The following SENP8 variants were observed in gnomAD, a reference collection of about 807,000 sequenced individuals.
The protein encoded by SENP8 is sentrin-specific protease 8.
In SENP8, 10 loss-of-function variants were observed where a neutral mutation model predicts 14.4. That is an observed-to-expected ratio of 0.69 (90% CI 0.43 to 1.18). The LOEUF (loss-of-function observed/expected upper bound fraction) is 1.18. Ranked by LOEUF, SENP8 falls within the 50% of genes most tolerant of loss-of-function variation. The pLI is 0.00. For missense variants in SENP8, 202 were observed against 249.4 expected (o/e 0.81, Z 1.28); for synonymous variants, 94 against 95.5 (o/e 0.98, Z 0.09).
chr15:72,117,213 G>A (rs1409917617), upstream of SENP8: 3 of 152,288 alleles, frequency 2.0e-5, no homozygotes, highest in Non-Finnish European at 4.4e-5. Flanking sequence ...GATGGCTAGG[G>A]TTAGTGCTAG....
upstream of SENP8, chr15:72,118,376 G>C (rs967376501): frequency 6.1e-6 from 1 of 164,282 alleles, no homozygotes; most frequent in South Asian, 2.0e-4. Flanking sequence ...GGTTGGGGAC[G>C]AAACCTCTGA....
upstream of SENP8, among the ~76,000 whole-genome samples, chr15:72,116,365 C>T (rs938342445): frequency 6.6e-6 from 1 of 152,118 alleles, no homozygotes; most frequent in Non-Finnish European, 1.5e-5. Context: ...ACGTACTGAT[C>T]ATTTGATGCA....
upstream of SENP8, chr15:72,117,886 G>C (rs2081059677): frequency 2.5e-6 from 1 of 398,128 alleles, no homozygotes; most frequent in South Asian, 1.3e-4. Context: ...GACTCCGCCC[G>C]GCCTGAGCAG....
chr15:72,137,861 A>G (rs1042823692), intron 1 of SENP8, among the ~76,000 whole-genome samples: 1 of 151,824 alleles, frequency 6.6e-6, no homozygotes, highest in African/African-American at 2.4e-5. Flanking sequence ...AGTCCCAGCT[A>G]CTTGGGAGGC....
intron 1 of SENP8, among the ~76,000 whole-genome samples, chr15:72,128,263 A>T (rs2081239603): frequency 6.6e-6 from 1 of 152,250 alleles, no homozygotes; most frequent in African/African-American, 2.4e-5. Context: ...GGGACACATA[A>T]GACACCAATA....
At chr15:72,122,798 A>G (rs1160666918) in intron 1 of SENP8, among the ~76,000 whole-genome samples, 1 of 152,184 alleles carries the variant, frequency 6.6e-6, no homozygotes, top group African/African-American at 2.4e-5. Flanking sequence ...AATAATTTTT[A>G]TTACTTACAG....
intron 1 of SENP8, chr15:72,139,185 C>T (rs930114001): frequency 1.3e-5 from 2 of 158,712 alleles, no homozygotes; most frequent in Non-Finnish European, 2.8e-5. Context: ...ATAACATAGC[C>T]TTACCAATAA....
intron 1 of SENP8, among the ~76,000 whole-genome samples, chr15:72,133,069 G>A (rs986874486): frequency 6.6e-6 from 1 of 152,184 alleles, no homozygotes; most frequent in Non-Finnish European, 1.5e-5. Context: ...TACGCGGGAG[G>A]CTGAGACGGG....
intron 1 of SENP8, among the ~76,000 whole-genome samples, chr15:72,130,640 C>T (rs913215334): frequency 2.0e-4 from 30 of 150,840 alleles, no homozygotes; most frequent in African/African-American, 7.1e-4. Flanking sequence ...CTCGGCTCAC[C>T]GCAACCTCCA....
chr15:72,134,017 A>G (rs2081302874), intron 1 of SENP8, among the ~76,000 whole-genome samples: 4 of 151,890 alleles, frequency 2.6e-5, no homozygotes, highest in Admixed American at 6.6e-5. Context: ...GGCGCTATCT[A>G]GACTCACTGC....
chr15:72,127,338 C>T (rs2081230825), intron 1 of SENP8, among the ~76,000 whole-genome samples: 1 of 152,136 alleles, frequency 6.6e-6, no homozygotes, highest in African/African-American at 2.4e-5. Context: ...TAACTGGTGG[C>T]CTCTTTGTTT....
intron 1 of SENP8, among the ~76,000 whole-genome samples, chr15:72,131,145 A>G (rs1200279984): frequency 6.6e-6 from 1 of 152,198 alleles, no homozygotes; most frequent in African/African-American, 2.4e-5. Flanking sequence ...TCAAGGATGC[A>G]GTGAGCTATA....
chr15:72,117,745 C>G (rs1429673273), upstream of SENP8: 1 of 397,818 alleles, frequency 2.5e-6, no homozygotes, highest in African/African-American at 2.1e-5. Context: ...TTCCACCCTC[C>G]GCCCCAGGGT....
chr15:72,139,407 G>A (rs1434382691), intron 1 of SENP8, 170 bp from the exon 2 acceptor site: 2 of 546,976 alleles, frequency 3.7e-6, no homozygotes, highest in African/African-American at 1.9e-5. Context: ...GCTGTCTCAG[G>A]GGTGGCAGAG....
At chr15:72,135,730 A>T (rs2140520250) in intron 1 of SENP8, among the ~76,000 whole-genome samples, 1 of 152,374 alleles carries the variant, frequency 6.6e-6, no homozygotes, top group South Asian at 2.1e-4. Context: ...TTGGTATTTT[A>T]AAAATCAAAC....
chr15:72,122,035 C>T (rs551272399), intron 1 of SENP8, among the ~76,000 whole-genome samples: 2 of 152,192 alleles, frequency 1.3e-5, no homozygotes, highest in East Asian at 3.9e-4. Flanking sequence ...AAGTCAGAAC[C>T]TGTCTATACC....
intron 1 of SENP8, among the ~76,000 whole-genome samples, chr15:72,137,203 TC>T (rs1313473139): frequency 6.6e-6 from 1 of 151,176 alleles, no homozygotes; most frequent in African/African-American, 2.4e-5. Context: ...TCTCTACAAC[TC>T]TCTAGGGTAT....
intron 1 of SENP8, among the ~76,000 whole-genome samples, chr15:72,138,222 TTC>T (rs1482913914): frequency 2.0e-5 from 3 of 152,198 alleles, no homozygotes; most frequent in African/African-American, 7.2e-5. Context: ...AAGTTTCCAG[TTC>T]TCATTCTAAC....
At chr15:72,126,112 T>C (rs2081216521) in intron 1 of SENP8, among the ~76,000 whole-genome samples, 1 of 151,910 alleles carries the variant, frequency 6.6e-6, no homozygotes, top group Non-Finnish European at 1.5e-5. Flanking sequence ...TGTGAGCTAT[T>C]TTTTTTAACC....
Sources: allele counts gnomAD v4.1 joint callset (sites outside exome capture counted in the v4.1 genomes callset), GRCh38; gene constraint gnomAD v4.1.1; transcripts MANE v1.5; gene names NCBI Gene and HGNC (gene_info 2026-07-23, HGNC 2026-07-21).